ARHGEF28: variants seen among roughly 807,000 people sequenced by gnomAD.
ARHGEF28 encodes the protein 190 kDa guanine nucleotide exchange factor.
Under a neutral mutation model 206.6 loss-of-function variants are expected in ARHGEF28, and 152 were observed. The observed-to-expected ratio is 0.74, with a 90% CI of 0.64 to 0.84. The LOEUF (loss-of-function observed/expected upper bound fraction) is 0.84, where lower values mean the gene tolerates loss of function less well. Ranked by LOEUF, ARHGEF28 falls within the 40% of genes least tolerant of loss-of-function variation. ARHGEF28 has a pLI of 0.00. For missense variants in ARHGEF28, 2,028 were observed against 2,073.2 expected, an observed-to-expected ratio of 0.98 and a Z score of 0.42; for synonymous variants, 763 against 776.4, an observed-to-expected ratio of 0.98 and a Z score of 0.29.
At chr5:73,838,626 C>A (rs1251857700) in intron 10 of ARHGEF28, among the ~76,000 whole-genome samples, 1 of 152,110 alleles carries the variant, frequency 6.6e-6, no homozygotes, top group Non-Finnish European at 1.5e-5. Context: ...CATTGTCATT[C>A]CCTGAGTGGG....
intron 2 of ARHGEF28, among the ~76,000 whole-genome samples, chr5:73,723,134 C>T (rs554858809): frequency 1.0e-3 from 159 of 152,288 alleles, no homozygotes; most frequent in African/African-American, 3.7e-3. Flanking sequence ...GGTTAGTCTC[C>T]TCTCTTATCT....
chr5:73,846,199 G>A, intron 11 of ARHGEF28, 69 bp from the exon 12 acceptor site: 13 of 1,431,020 alleles, frequency 9.1e-6, no homozygotes, highest in Non-Finnish European at 1.2e-5. Context: ...TGGATTCAGA[G>A]AAGTAGAAAC....
intron 2 of ARHGEF28, among the ~76,000 whole-genome samples, chr5:73,688,750 G>C (rs958318249): frequency 6.6e-6 from 1 of 152,046 alleles, no homozygotes; most frequent in Non-Finnish European, 1.5e-5. Flanking sequence ...TCAGCCTCTG[G>C]GTAAGTGATT....
intron 1 of ARHGEF28, among the ~76,000 whole-genome samples, chr5:73,654,377 G>T (rs964767589): frequency 6.6e-6 from 1 of 152,234 alleles, no homozygotes; most frequent in Non-Finnish European, 1.5e-5. Context: ...CAAATGGCAG[G>T]TACAGGGAGA....
chr5:73,893,698 C>G (rs1030952032), intron 28 of ARHGEF28, among the ~76,000 whole-genome samples: 2 of 152,132 alleles, frequency 1.3e-5, no homozygotes, highest in East Asian at 1.9e-4. Flanking sequence ...ATTCTCTACT[C>G]TGGTTGGACA....
At chr5:73,900,428 A>G (rs1487604152) in intron 30 of ARHGEF28, 1 of 152,240 alleles carries the variant, frequency 6.6e-6, no homozygotes, top group Non-Finnish European at 1.5e-5. Flanking sequence ...ACATGGGTAA[A>G]GAAATAAAAT....
chr5:73,838,558 G>C (rs367738803), intron 10 of ARHGEF28, among the ~76,000 whole-genome samples: 1 of 152,112 alleles, frequency 6.6e-6, no homozygotes, highest in African/African-American at 2.4e-5. Flanking sequence ...TCAGTACAGA[G>C]AATCCCTGTA....
chr5:73,645,026 G>A (rs549999409), intron 1 of ARHGEF28, among the ~76,000 whole-genome samples: 78 of 152,178 alleles, frequency 5.1e-4, no homozygotes, highest in African/African-American at 1.9e-3. Flanking sequence ...TTTTTAGAGG[G>A]CTCCTATTAA....
At chr5:73,759,107 C>T (rs1447366894) in intron 4 of ARHGEF28, among the ~76,000 whole-genome samples, 1 of 151,638 alleles carries the variant, frequency 6.6e-6, no homozygotes, top group Non-Finnish European at 1.5e-5. Flanking sequence ...GAGAGCTGTC[C>T]CCAAAGAAAA....
intron 4 of ARHGEF28, among the ~76,000 whole-genome samples, chr5:73,759,067 C>A (rs1211319913): frequency 6.6e-6 from 1 of 152,174 alleles, no homozygotes; most frequent in Non-Finnish European, 1.5e-5. Context: ...GAGGATCCAG[C>A]TTCTCATTCT....
chr5:73,867,300 C>G (rs564012789), intron 18 of ARHGEF28, among the ~76,000 whole-genome samples: 1 of 152,270 alleles, frequency 6.6e-6, no homozygotes, highest in Non-Finnish European at 1.5e-5. Context: ...GTAAATGCAT[C>G]TGTGCCCAGA....
At chr5:73,909,364 A>G in intron 33 of ARHGEF28, 48 bp from the exon 34 acceptor site, 1 of 1,532,826 alleles carries the variant, frequency 6.5e-7, no homozygotes, top group Non-Finnish European at 8.8e-7. Flanking sequence ...GTAAACAATA[A>G]CCATGGAACC....
intron 1 of ARHGEF28, among the ~76,000 whole-genome samples, chr5:73,637,608 T>G (rs913248188): frequency 1.3e-5 from 2 of 152,250 alleles, no homozygotes; most frequent in African/African-American, 4.8e-5. Context: ...CTAAGCCCTC[T>G]TATCATTTAG....
Position 73,795,087 on chromosome 5 carries a change from C to T in ARHGEF28, c.964-244C>T, listed in dbSNP as rs559945932. Reference sequence around the variant, plus strand: ...TTACAAGAGTAAATGTGGGAGATGTCCTCTGAGAATAAAATAACCTGTGTA... The same window carrying T: ...TTACAAGAGTAAATGTGGGAGATGTTCTCTGAGAATAAAATAACCTGTGTA... On this transcript the variant is annotated intron_variant, in intron 8 of 35. Coordinates refer to ENST00000513042, the MANE Select transcript of ARHGEF28 (RefSeq NM_001177693.2). 2.0e-4 allele frequency among the ~76,000 whole-genome samples: 30 copies of T among 152,242 alleles called. No homozygotes were observed. In the South Asian group the frequency reaches 5.8e-3, roughly 29 times the overall value.
At chr5:73,801,186 C>T (rs1755105807) in intron 9 of ARHGEF28, among the ~76,000 whole-genome samples, 1 of 152,180 alleles carries the variant, frequency 6.6e-6, no homozygotes, top group Non-Finnish European at 1.5e-5. Context: ...GGGGCTCACG[C>T]CTGTAATCCC....
At chr5:73,735,838 A>G (rs1750893009) in intron 2 of ARHGEF28, among the ~76,000 whole-genome samples, 1 of 152,256 alleles carries the variant, frequency 6.6e-6, no homozygotes, top group East Asian at 1.9e-4. Flanking sequence ...CATTCTCCAA[A>G]TGAGCCATTC....
chr5:73,833,021 G>A (rs1438131465), intron 10 of ARHGEF28, among the ~76,000 whole-genome samples: 2 of 152,210 alleles, frequency 1.3e-5, no homozygotes. Flanking sequence ...GTCCCTGATA[G>A]AGACTTTTGA....
intron 1 of ARHGEF28, among the ~76,000 whole-genome samples, chr5:73,667,226 A>G (rs1440952088): frequency 6.6e-6 from 1 of 152,156 alleles, no homozygotes; most frequent in Non-Finnish European, 1.5e-5. Flanking sequence ...TTTCAAGGTT[A>G]CTTTGGGGTC....
chr5:73,837,798 A>G (rs1033000489), intron 10 of ARHGEF28, among the ~76,000 whole-genome samples: 57 of 148,892 alleles, frequency 3.8e-4, no homozygotes, highest in African/African-American at 1.4e-3. Context: ...TGGGAGTGCA[A>G]TGGTGCCATC....
Sources: gnomAD v4.1 joint callset for allele counts (sites outside exome capture counted in the v4.1 genomes callset) on GRCh38, gnomAD v4.1.1 for gene constraint, MANE v1.5 for transcripts, NCBI Gene and HGNC (gene_info 2026-07-23, HGNC 2026-07-21) for gene names.